Variants in ZDHHC15 observed in about 807,000 individuals in gnomAD.
ZDHHC15 encodes the protein palmitoyltransferase ZDHHC15.
ZDHHC15 carries 19 observed loss-of-function variants against 31.7 expected under a neutral mutation model. That is an observed-to-expected ratio of 0.60 (90% CI 0.42 to 0.88). The LOEUF is 0.88. ZDHHC15 is among the 40% of genes least tolerant of loss of function. The probability of loss-of-function intolerance (pLI) is 0.00; values close to 1 mark genes in which losing one functional copy is unlikely to be tolerated. For missense variants in ZDHHC15, 209 were observed against 251.2 expected, an observed-to-expected ratio of 0.83 and a Z score of 1.14; for synonymous variants, 103 against 90.0, an observed-to-expected ratio of 1.14 and a Z score of -0.82.
At chrX:75,447,848 ACTTTGGAATC>A (rs896330970) in intron 4 of ZDHHC15, among the ~76,000 whole-genome samples, 5 of 112,159 alleles carry the variant, frequency 4.5e-5, no homozygotes, top group Non-Finnish European at 7.5e-5. Context: ...CCACCCAGCC[ACTTTGGAATC>A]CTCGTATCTC....
chrX:75,414,956 T>C (rs1207039006), intron 10 of ZDHHC15, among the ~76,000 whole-genome samples: 6 of 104,797 alleles, frequency 5.7e-5, no homozygotes, highest in Admixed American at 3.1e-4. Flanking sequence ...ACTTTTTTAG[T>C]AGAGATGCGG....
intron 1 of ZDHHC15, among the ~76,000 whole-genome samples, chrX:75,517,956 T>A (rs1464442973): frequency 5.6e-5 from 6 of 107,372 alleles, no homozygotes; most frequent in Non-Finnish European, 1.2e-4. Flanking sequence ...CATAGTGAGG[T>A]CCCGTATCAA....
chrX:75,389,772 C>A (rs2083220996), intron 10 of ZDHHC15, among the ~76,000 whole-genome samples: 1 of 110,495 alleles, frequency 9.1e-6, no homozygotes, highest in Non-Finnish European at 1.9e-5. Context: ...AGGTGTCACC[C>A]AACATATGCA....
At chrX:75,424,485 T>C (rs1000370096) in intron 8 of ZDHHC15, among the ~76,000 whole-genome samples, 167 bp downstream of exon 8, 14 of 111,773 alleles carry the variant, frequency 1.3e-4, no homozygotes, top group African/African-American at 4.6e-4. Flanking sequence ...CTTCACTCAC[T>C]ATGCCTTTCT....
chrX:75,471,188 C>T (rs1361879055), intron 3 of ZDHHC15, among the ~76,000 whole-genome samples: 1 of 112,346 alleles, frequency 8.9e-6, no homozygotes. Flanking sequence ...GTCCATAAGG[C>T]CCACCAGAAG....
intron 6 of ZDHHC15, 43 bp from the exon 7 acceptor site, chrX:75,429,241 T>C (rs1049716339): frequency 1.7e-6 from 2 of 1,176,697 alleles, no homozygotes; most frequent in Non-Finnish European, 2.3e-6. Flanking sequence ...GACCTCTTGA[T>C]TGAGAGCACA....
At chrX:75,424,278 T>C (rs1176289793) in intron 8 of ZDHHC15, among the ~76,000 whole-genome samples, 1 of 110,949 alleles carries the variant, frequency 9.0e-6, no homozygotes, top group Non-Finnish European at 1.9e-5. Context: ...ACTATCTTTA[T>C]CAAACTTTAC....
chrX:75,384,978 G>A (rs1195523757), intron 10 of ZDHHC15: 14 of 412,946 alleles, frequency 3.4e-5, no homozygotes, highest in Non-Finnish European at 5.5e-5. Context: ...TACCCTTGAA[G>A]AAGTACTTTC....
intron 10 of ZDHHC15, among the ~76,000 whole-genome samples, chrX:75,415,636 T>C (rs1287702143): frequency 8.9e-6 from 1 of 112,370 alleles, no homozygotes; most frequent in Non-Finnish European, 1.9e-5. Flanking sequence ...AATTATAAAA[T>C]AGGGATGCTA....
intron 2 of ZDHHC15, among the ~76,000 whole-genome samples, chrX:75,483,648 T>C (rs1482419783): frequency 1.8e-5 from 2 of 112,318 alleles, no homozygotes; most frequent in African/African-American, 3.2e-5. Context: ...ACAAGTTTCA[T>C]TGATTCATTG....
chrX:75,513,183 C>T (rs1406323183), intron 1 of ZDHHC15, among the ~76,000 whole-genome samples: 1 of 111,548 alleles, frequency 9.0e-6, no homozygotes, highest in Non-Finnish European at 1.9e-5. Context: ...ACCATAAAAA[C>T]CCTAGAAGAA....
chrX:75,494,266 G>A (rs1270056443), intron 2 of ZDHHC15, among the ~76,000 whole-genome samples: 3 of 111,152 alleles, frequency 2.7e-5, no homozygotes, highest in Non-Finnish European at 5.7e-5. Context: ...ACAAACCACT[G>A]CTCAATGAAA....
intron 2 of ZDHHC15, among the ~76,000 whole-genome samples, chrX:75,499,276 T>C (rs1479610535): frequency 9.0e-6 from 1 of 111,246 alleles, no homozygotes; most frequent in African/African-American, 3.3e-5. Context: ...CAAAGATAAA[T>C]AGATCGGACT....
chrX:75,509,885 A>G (rs747567372), intron 1 of ZDHHC15, among the ~76,000 whole-genome samples: 1 of 112,504 alleles, frequency 8.9e-6, no homozygotes, highest in South Asian at 3.6e-4. Flanking sequence ...TGATTTTAAA[A>G]AATGTTATGG....
chrX:75,456,063 T>C (rs2084215283), intron 3 of ZDHHC15, among the ~76,000 whole-genome samples: 1 of 111,863 alleles, frequency 8.9e-6, no homozygotes. Flanking sequence ...TGTATGTTTA[T>C]TGTGGCACTA....
chrX:75,382,785 ATCAGGTTGAGGTTAG>A (rs924701793), intron 10 of ZDHHC15, among the ~76,000 whole-genome samples: 1 of 112,099 alleles, frequency 8.9e-6, no homozygotes, highest in Non-Finnish European at 1.9e-5. Flanking sequence ...GGTGAAAGAT[ATCAGGTTGAGGTTAG>A]TCAGCTTGAC....
At chrX:75,432,909 A>G (rs1318868220) in intron 4 of ZDHHC15, among the ~76,000 whole-genome samples, 1 of 111,325 alleles carries the variant, frequency 9.0e-6, no homozygotes, top group Admixed American at 9.6e-5. Flanking sequence ...GCTAGAGCCC[A>G]GGAGTTCGAG....
intron 10 of ZDHHC15, among the ~76,000 whole-genome samples, chrX:75,386,927 G>T (rs753113669): frequency 8.9e-5 from 10 of 111,994 alleles, no homozygotes; most frequent in Non-Finnish European, 1.7e-4. Flanking sequence ...TGAAAGAAGA[G>T]CTCAGTGAGG....
intron 4 of ZDHHC15, among the ~76,000 whole-genome samples, chrX:75,440,461 A>T (rs944842903): frequency 7.2e-5 from 8 of 111,218 alleles, no homozygotes; most frequent in African/African-American, 2.6e-4. Context: ...TTGTATTTTT[A>T]GTAGAGACAG....
Sources: gnomAD v4.1 joint callset for allele counts (sites outside exome capture counted in the v4.1 genomes callset) on GRCh38, gnomAD v4.1.1 for gene constraint, MANE v1.5 for transcripts, NCBI Gene and HGNC (gene_info 2026-07-23, HGNC 2026-07-21) for gene names.